CHD6: variants seen among roughly 807,000 people sequenced by gnomAD.
The protein encoded by CHD6 is chromodomain helicase DNA binding protein 6.
Under a neutral mutation model 276.9 loss-of-function variants are expected in CHD6, and 50 were observed. The observed-to-expected ratio is 0.18, with a 90% CI of 0.14 to 0.23. CHD6 has a LOEUF of 0.23. Ranked by LOEUF, CHD6 falls within the 10% of genes least tolerant of loss-of-function variation. The probability of loss-of-function intolerance (pLI) is 1.00; values close to 1 mark genes in which losing one functional copy is unlikely to be tolerated. For missense variants in CHD6, 2,564 were observed against 3,365.8 expected, an observed-to-expected ratio of 0.76 and a Z score of 5.89; for synonymous variants, 1,173 against 1,229.3, an observed-to-expected ratio of 0.95 and a Z score of 0.96.
At chr20:41,509,023 A>G (rs896374892) in intron 5 of CHD6, among the ~76,000 whole-genome samples, 1 of 152,160 alleles carries the variant, frequency 6.6e-6, no homozygotes, top group African/African-American at 2.4e-5. Flanking sequence ...AGAAACATAC[A>G]GTTCTACCTA....
At chr20:41,505,363 TG>T (rs2043952150) in intron 5 of CHD6, among the ~76,000 whole-genome samples, 1 of 152,156 alleles carries the variant, frequency 6.6e-6, no homozygotes. Flanking sequence ...CCCCTTGCTT[TG>T]GGGATTTCTT....
intron 1 of CHD6, among the ~76,000 whole-genome samples, chr20:41,563,728 C>G (rs2045326524): frequency 1.3e-5 from 2 of 152,168 alleles, no homozygotes; most frequent in Admixed American, 1.3e-4. Context: ...AAGGTAAAAT[C>G]TGACTGTACT....
chr20:41,515,039 T>C, intron 3 of CHD6, 87 bp from the exon 4 acceptor site: 1 of 1,418,940 alleles, frequency 7.0e-7, no homozygotes, highest in Non-Finnish European at 9.8e-7. Context: ...AATCACATCC[T>C]GGAATTCTAG....
In CHD6 at chr20:41,415,198, C is replaced by T. The variant is rs2046956751; in HGVS notation, c.6927G>A (p.Gln2309=). 6.2e-7 allele frequency: 1 copy of T among 1,613,814 alleles called. No homozygotes were observed. Residue 2309 remains glutamine, a synonymous_variant, in exon 34 of 37, where the codon CAG becomes CAA. Coordinates refer to ENST00000373233, the MANE Select transcript of CHD6 (RefSeq NM_032221.5). ...CCTCAATACCCACCAAGATTCCCGC[C>T]TGAAGTGTCTGCTCCTTCAAAAAGA... ...DLIFLKEQTL[Q]AGILEVHEDP...
At chr20:41,434,511 C>T (rs751247028) in intron 27 of CHD6, among the ~76,000 whole-genome samples, 2 of 152,092 alleles carry the variant, frequency 1.3e-5, no homozygotes, top group Non-Finnish European at 2.9e-5. Flanking sequence ...GCTGGGATTA[C>T]AGGCATGCAC....
intron 25 of CHD6, 117 bp from the exon 26 acceptor site, chr20:41,440,246 A>T (rs776620688): frequency 1.3e-4 from 127 of 957,846 alleles, no homozygotes; most frequent in Non-Finnish European, 1.8e-4. Context: ...ACAAAAAAAT[A>T]ATTATTTAAG....
chr20:41,547,435 T>A, intron 2 of CHD6: 1 of 256,408 alleles, frequency 3.9e-6, no homozygotes, highest in South Asian at 5.1e-5. Flanking sequence ...CTGCTGAAGT[T>A]TGACCCCAAT....
intron 12 of CHD6, 38 bp from the exon 13 acceptor site, chr20:41,488,642 T>C (rs2043474810): frequency 1.9e-6 from 3 of 1,582,924 alleles, no homozygotes; most frequent in Non-Finnish European, 2.6e-6. Flanking sequence ...CTTTACACCA[T>C]GGCTATAGAA....
intron 18 of CHD6, 109 bp downstream of exon 18, chr20:41,457,155 T>C: frequency 3.9e-6 from 5 of 1,266,906 alleles, no homozygotes; most frequent in Non-Finnish European, 5.5e-6. Flanking sequence ...ATGTGAGGGC[T>C]GGCTCAATGC....
At chr20:41,413,185 T>C in intron 35 of CHD6, 139 bp downstream of exon 35, 1 of 582,450 alleles carries the variant, frequency 1.7e-6, no homozygotes. Flanking sequence ...AAAAGTCCTT[T>C]AACATGATGT....
intron 1 of CHD6, among the ~76,000 whole-genome samples, chr20:41,605,121 T>G (rs895473002): frequency 2.0e-5 from 3 of 152,132 alleles, no homozygotes; most frequent in African/African-American, 7.2e-5. Flanking sequence ...TAAGTAACTC[T>G]CAAATGGTAT....
chr20:41,500,272 T>C (rs1303907660), intron 5 of CHD6, among the ~76,000 whole-genome samples: 1 of 152,176 alleles, frequency 6.6e-6, no homozygotes, highest in Non-Finnish European at 1.5e-5. Context: ...ATGATTTGTA[T>C]ATCTTCAGTC....
At chr20:41,584,345 T>C (rs1016401453) in intron 1 of CHD6, among the ~76,000 whole-genome samples, 1 of 152,192 alleles carries the variant, frequency 6.6e-6, no homozygotes, top group Non-Finnish European at 1.5e-5. Context: ...GATGTAAGAA[T>C]TCACAGAATT....
intron 31 of CHD6, 142 bp from the exon 32 acceptor site, chr20:41,417,491 A>G (rs375335137): frequency 7.1e-6 from 5 of 704,580 alleles, no homozygotes; most frequent in South Asian, 5.6e-5. Flanking sequence ...ATTAATTATG[A>G]TATCTTCTAT....
chr20:41,579,349 A>T (rs936936738), intron 1 of CHD6, among the ~76,000 whole-genome samples: 1 of 145,540 alleles, frequency 6.9e-6, no homozygotes, highest in African/African-American at 2.6e-5. Context: ...GAGGCAGGAG[A>T]GGTGCTTGAG....
At chr20:41,581,674 CAA>C (rs11312840) in intron 1 of CHD6, among the ~76,000 whole-genome samples, 46 of 134,980 alleles carry the variant, frequency 3.4e-4, no homozygotes, top group Admixed American at 3.7e-4. Context: ...GACTCCATCT[CAA>C]AAAAAAAAAA....
At chr20:41,446,508 C>T (rs970829221) in intron 24 of CHD6, among the ~76,000 whole-genome samples, 2 of 152,174 alleles carry the variant, frequency 1.3e-5, no homozygotes, top group Non-Finnish European at 2.9e-5. Context: ...GTACAGTCCT[C>T]GCTCTTTAAG....
chr20:41,525,325 G>A (rs2044504605), intron 3 of CHD6, among the ~76,000 whole-genome samples: 1 of 152,138 alleles, frequency 6.6e-6, no homozygotes, highest in Non-Finnish European at 1.5e-5. Flanking sequence ...GTTCATCCTG[G>A]AGCTGACAAA....
chr20:41,445,065 T>C (rs2048022436), intron 25 of CHD6, among the ~76,000 whole-genome samples: 1 of 152,258 alleles, frequency 6.6e-6, no homozygotes, highest in South Asian at 2.1e-4. Flanking sequence ...CAAGGGCAGT[T>C]GTTTCAAACA....
Sources: gnomAD v4.1 joint callset for allele counts (sites outside exome capture counted in the v4.1 genomes callset) on GRCh38, gnomAD v4.1.1 for gene constraint, MANE v1.5 for transcripts, NCBI Gene and HGNC (gene_info 2026-07-23, HGNC 2026-07-21) for gene names.